Variants in HTR4 observed in about 807,000 individuals in gnomAD.
HTR4 encodes 5-hydroxytryptamine receptor 4.
Under a neutral mutation model 36.8 loss-of-function variants are expected in HTR4, and 16 were observed. The observed-to-expected ratio is 0.43, with a 90% CI of 0.29 to 0.66. HTR4 has a LOEUF of 0.66. HTR4 is among the 30% of genes least tolerant of loss of function. The pLI, the probability that HTR4 is intolerant of heterozygous loss-of-function variation, is 0.13. For synonymous variants in HTR4, 189 were observed against 185.1 expected (o/e 1.02, Z -0.17); for missense variants, 438 against 490.9 (o/e 0.89, Z 1.02).
At chr5:148,615,571 C>G (rs1752634086) in intron 2 of HTR4, among the ~76,000 whole-genome samples, 1 of 146,522 alleles carries the variant, frequency 6.8e-6, no homozygotes, top group African/African-American at 2.6e-5. Context: ...GGGAGATATA[C>G]CTAATGCTAG....
chr5:148,578,711 C>A (rs1761023161), intron 2 of HTR4, among the ~76,000 whole-genome samples: 4 of 152,072 alleles, frequency 2.6e-5, no homozygotes. Flanking sequence ...GGTGTCTTAT[C>A]TATAAAACTG....
intron 6 of HTR4, among the ~76,000 whole-genome samples, chr5:148,488,923 T>C (rs148715589): frequency 2.0e-5 from 3 of 152,332 alleles, no homozygotes; most frequent in Non-Finnish European, 4.4e-5. Flanking sequence ...AATCCCTATG[T>C]ACTTCTTTCC....
At chr5:148,465,208 T>A (rs1755393589) in intron 5 of HTR4, among the ~76,000 whole-genome samples, 1 of 152,076 alleles carries the variant, frequency 6.6e-6, no homozygotes, top group African/African-American at 2.4e-5. Flanking sequence ...GTACTAAGAA[T>A]GAACTCTAAT....
At chr5:148,563,886 C>G (rs1387803399) in intron 2 of HTR4, among the ~76,000 whole-genome samples, 1 of 152,104 alleles carries the variant, frequency 6.6e-6, no homozygotes, top group African/African-American at 2.4e-5. Context: ...GGACAAATCC[C>G]CTATGGATAC....
downstream of HTR4, among the ~76,000 whole-genome samples, chr5:148,478,892 C>T (rs1755788660): frequency 6.6e-6 from 1 of 152,140 alleles, no homozygotes; most frequent in South Asian, 2.1e-4. Flanking sequence ...TGACAGGGTT[C>T]ATTCCATTGT....
At chr5:148,500,971 C>A (rs942572735) in intron 6 of HTR4, among the ~76,000 whole-genome samples, 1 of 152,008 alleles carries the variant, frequency 6.6e-6, no homozygotes. Context: ...AATGAGCATA[C>A]CTGTCAATAC....
intron 5 of HTR4, among the ~76,000 whole-genome samples, chr5:148,514,479 G>A (rs993973995): frequency 7.2e-5 from 11 of 151,994 alleles, no homozygotes; most frequent in Non-Finnish European, 1.6e-4. Flanking sequence ...CTTAAGGATT[G>A]AAGGACATTT....
At chr5:148,539,488 T>G (rs1411648296) in intron 4 of HTR4, among the ~76,000 whole-genome samples, 1 of 152,058 alleles carries the variant, frequency 6.6e-6, no homozygotes, top group Non-Finnish European at 1.5e-5. Flanking sequence ...AGGTCTAATA[T>G]CCAGCATTTA....
chr5:148,607,360 T>C (rs114090803), intron 2 of HTR4, among the ~76,000 whole-genome samples: 1,668 of 152,294 alleles, frequency 0.011, 32 homozygotes, highest in African/African-American at 0.038. Context: ...CAAGCTTCAA[T>C]GTTGGCCTAG....
At chr5:148,491,315 G>A (rs946643302) in intron 6 of HTR4, among the ~76,000 whole-genome samples, 1 of 151,868 alleles carries the variant, frequency 6.6e-6, no homozygotes, top group South Asian at 2.1e-4. Flanking sequence ...CTTCTACGGC[G>A]CTATATATTT....
At chr5:148,556,768 G>A (rs556814054) in intron 2 of HTR4, among the ~76,000 whole-genome samples, 13 of 152,274 alleles carry the variant, frequency 8.5e-5, no homozygotes, top group African/African-American at 3.1e-4. Flanking sequence ...CATTGCTGAT[G>A]CTGCTGGTTC....
At chr5:148,585,538 C>T (rs1174074179) in intron 2 of HTR4, among the ~76,000 whole-genome samples, 2 of 152,132 alleles carry the variant, frequency 1.3e-5, no homozygotes, top group South Asian at 2.1e-4. Flanking sequence ...GATTCCTGTT[C>T]TCACGGGATT....
At chr5:148,598,498 G>A (rs527407287) in intron 2 of HTR4, among the ~76,000 whole-genome samples, 46 of 151,954 alleles carry the variant, frequency 3.0e-4, no homozygotes, top group Non-Finnish European at 5.3e-4. Context: ...GTTGCAGTGA[G>A]CCAAGATCTT....
At chr5:148,610,133 G>T (rs1752358611) in intron 2 of HTR4, among the ~76,000 whole-genome samples, 1 of 152,184 alleles carries the variant, frequency 6.6e-6, no homozygotes, top group Non-Finnish European at 1.5e-5. Flanking sequence ...GAAAAAGAGT[G>T]AGTGGAGGCC....
At chr5:148,545,885 A>G (rs1759363220) in intron 4 of HTR4, among the ~76,000 whole-genome samples, 1 of 152,218 alleles carries the variant, frequency 6.6e-6, no homozygotes, top group Admixed American at 6.5e-5. Flanking sequence ...GCAGCATTTT[A>G]AAAGGATGGC....
intron 6 of HTR4, among the ~76,000 whole-genome samples, chr5:148,507,512 T>C (rs1334274102): frequency 2.6e-5 from 4 of 151,550 alleles, no homozygotes; most frequent in Non-Finnish European, 5.9e-5. Context: ...ACCCTAGAAC[T>C]TAAAGTATAA....
intron 2 of HTR4, among the ~76,000 whole-genome samples, chr5:148,578,081 G>A (rs1325228180): frequency 1.3e-5 from 2 of 151,910 alleles, no homozygotes; most frequent in Non-Finnish European, 2.9e-5. Flanking sequence ...ATATCATTTT[G>A]TAATACATGC....
chr5:148,529,069 C>T (rs1030450314), intron 4 of HTR4, among the ~76,000 whole-genome samples: 6 of 151,776 alleles, frequency 4.0e-5, no homozygotes, highest in African/African-American at 7.3e-5. Flanking sequence ...CAGGAGTGTT[C>T]GAAATTTGCC....
intron 1 of HTR4, among the ~76,000 whole-genome samples, chr5:148,640,349 G>T (rs761132131): frequency 2.6e-5 from 4 of 152,186 alleles, no homozygotes; most frequent in African/African-American, 7.2e-5. Flanking sequence ...AAGCAGGGCT[G>T]GTCGATCAGA....
Sources: allele counts gnomAD v4.1 joint callset (sites outside exome capture counted in the v4.1 genomes callset), GRCh38; gene constraint gnomAD v4.1.1; transcripts MANE v1.5; gene names NCBI Gene and HGNC (gene_info 2026-07-23, HGNC 2026-07-21).